SPATS2L: variants seen among roughly 807,000 people sequenced by gnomAD.
The protein encoded by SPATS2L is spermatogenesis associated serine rich 2 like, also known as SPATS2-like protein.
In SPATS2L, 30 loss-of-function variants were observed where a neutral mutation model predicts 59.6. The observed-to-expected ratio is 0.50, with a 90% confidence interval of 0.38 to 0.68. SPATS2L has a LOEUF of 0.68. Ranked by LOEUF, SPATS2L falls within the 30% of genes least tolerant of loss-of-function variation. The pLI, the probability that SPATS2L is intolerant of heterozygous loss-of-function variation, is 0.00. For missense variants in SPATS2L, 615 were observed against 700.0 expected (o/e 0.88, Z 1.37); for synonymous variants, 252 against 263.5 (o/e 0.96, Z 0.42).
chr2:200,383,786 G>T, intron 2 of SPATS2L: 1 of 588,770 alleles, frequency 1.7e-6, no homozygotes, highest in Non-Finnish European at 2.2e-6. Flanking sequence ...GGGAAATTTT[G>T]CATTAATAAC....
intron 2 of SPATS2L, among the ~76,000 whole-genome samples, chr2:200,353,742 A>G (rs1164566444): frequency 6.6e-6 from 1 of 152,214 alleles, no homozygotes; most frequent in Non-Finnish European, 1.5e-5. Context: ...ACACATAATC[A>G]ACTCTTACTG....
intron 8 of SPATS2L, among the ~76,000 whole-genome samples, chr2:200,442,373 C>T (rs1433277324): frequency 1.3e-5 from 2 of 152,180 alleles, no homozygotes; most frequent in East Asian, 3.8e-4. Context: ...CAACTAGTAA[C>T]TATCCTAAGC....
At chr2:200,337,231 C>G (rs1005134050) in intron 2 of SPATS2L, among the ~76,000 whole-genome samples, 2 of 152,112 alleles carry the variant, frequency 1.3e-5, no homozygotes, top group African/African-American at 4.8e-5. Flanking sequence ...CTTTGAAAGA[C>G]CAGCATTAGC....
intron 2 of SPATS2L, among the ~76,000 whole-genome samples, chr2:200,340,992 C>T (rs566018458): frequency 2.9e-3 from 441 of 152,216 alleles, no homozygotes; most frequent in African/African-American, 0.01. Flanking sequence ...ATAAGGATAG[C>T]GCTTGTGGCC....
At chr2:200,437,027 T>A (rs891686621) in intron 6 of SPATS2L, among the ~76,000 whole-genome samples, 3 of 152,180 alleles carry the variant, frequency 2.0e-5, no homozygotes, top group Admixed American at 2.0e-4. Context: ...CACCATGTGG[T>A]ATGCTGGCTC....
intron 1 of SPATS2L, chr2:200,309,031 C>T (rs1442756687): frequency 1.4e-6 from 1 of 717,824 alleles, no homozygotes; most frequent in Non-Finnish European, 2.6e-6. Context: ...ACTTAGGCCA[C>T]ACCGTTGCAG....
At position 200,306,730 on chromosome 2, in the gene SPATS2L, CT is replaced by C. The variant is rs2079024893; in HGVS notation, c.-264del. 1 of 958,032 alleles carries C rather than the reference CT, an allele frequency of 1.0e-6. No homozygotes were observed. The highest frequency in any genetic ancestry group is 8.5e-5 in the Admixed American group (1 of 11,764). 59.3% of individuals were successfully genotyped at this position (958,032 alleles called of 1,614,324 possible). A position where few individuals can be genotyped will look rare whatever the true frequency, so the allele number is the denominator to read the frequency against. On this transcript the variant is annotated 5_prime_UTR_variant, in exon 1 of 13. Coordinates refer to ENST00000409140, the MANE Select transcript of SPATS2L (RefSeq NM_001100423.2). ...GAAGGAATCCAGTCCGGGGGCCGAG[CT>C]GGCTGCGCCCTCCGCTGCAAGCGCC... is the stretch of plus-strand genomic sequence containing the variant.
chr2:200,465,893 A>T (rs1457482898), intron 9 of SPATS2L, among the ~76,000 whole-genome samples: 1 of 152,126 alleles, frequency 6.6e-6, no homozygotes, highest in Non-Finnish European at 1.5e-5. Flanking sequence ...TTAGCCAGGC[A>T]TGGTGGCGGG....
At chr2:200,425,841 G>A (rs1038128825) in intron 6 of SPATS2L, among the ~76,000 whole-genome samples, 1 of 152,070 alleles carries the variant, frequency 6.6e-6, no homozygotes, top group African/African-American at 2.4e-5. Context: ...TAATTCTAGA[G>A]TGTAATAAAT....
chr2:200,442,748 A>G (rs192052732), intron 8 of SPATS2L, among the ~76,000 whole-genome samples: 21 of 152,328 alleles, frequency 1.4e-4, no homozygotes, highest in Admixed American at 1.2e-3. Flanking sequence ...GTCATGAGAC[A>G]TCTTGAGATT....
At chr2:200,418,038 C>G (rs1208165553) in intron 5 of SPATS2L, among the ~76,000 whole-genome samples, 2 of 152,050 alleles carry the variant, frequency 1.3e-5, no homozygotes, top group Non-Finnish European at 1.5e-5. Context: ...CATGTATTCA[C>G]CATTAGAGCA....
chr2:200,367,096 A>G (rs1300796601), intron 2 of SPATS2L, among the ~76,000 whole-genome samples: 1 of 152,232 alleles, frequency 6.6e-6, no homozygotes, highest in Non-Finnish European at 1.5e-5. Flanking sequence ...ACCTGAGAGG[A>G]TAAAACATCA....
chr2:200,321,677 TA>T (rs1420023817), intron 1 of SPATS2L, among the ~76,000 whole-genome samples: 1 of 152,262 alleles, frequency 6.6e-6, no homozygotes, highest in Non-Finnish European at 1.5e-5. Flanking sequence ...TCGTTTACAT[TA>T]TGTTTTGTGA....
At chr2:200,457,114 T>C (rs979314852) in intron 8 of SPATS2L, among the ~76,000 whole-genome samples, 4 of 152,116 alleles carry the variant, frequency 2.6e-5, no homozygotes, top group African/African-American at 9.7e-5. Context: ...TCCACATCTG[T>C]AGATTCTCCC....
At chr2:200,459,542 G>A (rs2086091574) in intron 8 of SPATS2L, among the ~76,000 whole-genome samples, 1 of 152,184 alleles carries the variant, frequency 6.6e-6, no homozygotes, top group African/African-American at 2.4e-5. Context: ...TAGGTTTGTT[G>A]ACAATGATTT....
intron 2 of SPATS2L, among the ~76,000 whole-genome samples, chr2:200,332,038 C>T (rs1180603140): frequency 6.6e-6 from 1 of 152,144 alleles, no homozygotes; most frequent in Non-Finnish European, 1.5e-5. Flanking sequence ...ACTTGGAACC[C>T]TTTTGGTGCA....
intron 8 of SPATS2L, among the ~76,000 whole-genome samples, chr2:200,456,864 G>A (rs1236581971): frequency 1.3e-5 from 2 of 152,036 alleles, no homozygotes; most frequent in Non-Finnish European, 2.9e-5. Context: ...GTTGATTCAG[G>A]GAAGGGAATC....
chr2:200,389,315 A>G lies in SPATS2L; in HGVS notation c.39+32A>G, dbSNP rs370866292. 126 of 1,485,060 alleles carry G rather than the reference A, an allele frequency of 8.5e-5. No individual in the cohort carries two copies. In the African/African-American group the frequency reaches 1.5e-3, roughly 18 times the overall value. The allele number at this position is 1,485,060 out of a possible 1,614,324, so 92.0% of individuals were successfully genotyped here. ...TCAAGTTATACGTTGGCTCACAGAA[A>G]CTCCAAACTAGGTAATGCAGTTCCT... On this transcript the variant is annotated intron_variant, in intron 3 of 12. Transcript: ENST00000409140.
chr2:200,306,508 G>A (rs959530232), upstream of SPATS2L: 1 of 1,002,498 alleles, frequency 1.0e-6, no homozygotes, highest in Non-Finnish European at 1.2e-6. Flanking sequence ...GTGTCAGAAC[G>A]TGCGTGTGAG....
Sources: gnomAD v4.1 joint callset for allele counts (sites outside exome capture counted in the v4.1 genomes callset) on GRCh38, gnomAD v4.1.1 for gene constraint, MANE v1.5 for transcripts, NCBI Gene and HGNC (gene_info 2026-07-23, HGNC 2026-07-21) for gene names.